LRRC7: variants seen among roughly 807,000 people sequenced by gnomAD.
The protein encoded by LRRC7 is leucine-rich repeat-containing protein 7.
In LRRC7, 23 loss-of-function variants were observed where a neutral mutation model predicts 175.7. The ratio of observed to expected loss-of-function variants is 0.13; its 90% CI spans 0.09 to 0.19. LRRC7 has a LOEUF of 0.19. Ranked by LOEUF, LRRC7 falls within the 10% of genes least tolerant of loss-of-function variation. LRRC7 has a pLI of 1.00. For missense variants in LRRC7, 1,354 were observed against 1,904.7 expected, an observed-to-expected ratio of 0.71 and a Z score of 5.38; for synonymous variants, 685 against 680.9, an observed-to-expected ratio of 1.01 and a Z score of -0.09.
chr1:69,783,299 G>A (rs1673985874), intron 3 of LRRC7, among the ~76,000 whole-genome samples: 3 of 152,064 alleles, frequency 2.0e-5, no homozygotes, highest in South Asian at 4.1e-4. Context: ...AGCACAAATC[G>A]AAGTCATAGA....
At chr1:69,692,375 G>A (rs1191516893) in intron 2 of LRRC7, among the ~76,000 whole-genome samples, 1 of 152,194 alleles carries the variant, frequency 6.6e-6, no homozygotes, top group Non-Finnish European at 1.5e-5. Flanking sequence ...ATGAGTGCAT[G>A]ATAAGCACCT....
chr1:69,598,125 G>A (rs1488720490), intron 1 of LRRC7, among the ~76,000 whole-genome samples: 1 of 152,082 alleles, frequency 6.6e-6, no homozygotes. Flanking sequence ...TGGTAAGATG[G>A]GTTTAGTCAC....
In LRRC7 at chr1:70,127,830, C is replaced by T. The variant is rs1169305891; in HGVS notation, c.*5943C>T. ...ACATTCCATGACTCTTATTAGTCTA[C>T]GGTTGGAACCACTATGTAGTCCTAC... On this transcript the variant is annotated 3_prime_UTR_variant, in exon 27 of 27. Coordinates refer to ENST00000651989, the MANE Select transcript of LRRC7 (RefSeq NM_001370785.2). Among the ~76,000 whole-genome samples, 5 of 152,182 alleles carry T rather than the reference C, an allele frequency of 3.3e-5. No homozygotes were observed. Among genetic ancestry groups the T allele is most frequent in the African/African-American group, 9.7e-5 (4 of 41,446 alleles).
At chr1:69,581,717 A>G (rs746598402) in intron 1 of LRRC7, among the ~76,000 whole-genome samples, 11 of 152,224 alleles carry the variant, frequency 7.2e-5, no homozygotes, top group Non-Finnish European at 1.5e-4. Flanking sequence ...GTTTTTAAAT[A>G]TATGAAAATT....
Position 70,013,050 on chromosome 1 carries a change from A to G in LRRC7, c.1211A>G (p.Gln404Arg). The G allele has an allele frequency of 6.3e-7, 1 of 1,586,584 alleles. No homozygotes were observed. Among genetic ancestry groups the G allele is most frequent in the Non-Finnish European group, 8.6e-7 (1 of 1,165,104 alleles). The change falls in exon 13 of 27, where the codon CAG becomes CGG. Residue 404 changes from glutamine (Q) to arginine (R), a missense_variant. By Grantham distance (43) the Gln-to-Arg change is conservative. Around this residue, in one of 4 missense-constraint regions of LRRC7, gnomAD observed 201 missense variants for 481.4 expected, o/e 0.42. Transcript: ENST00000651989. ...GAATTTCTTCCTGAAGAGATTGGAC[A>G]GATGCAGAAACTAAGAGTCCTAAAT... ...KLEFLPEEIG[Q>R]MQKLRVLNLS...
intron 1 of LRRC7, among the ~76,000 whole-genome samples, chr1:69,596,979 A>G (rs1382205928): frequency 6.6e-6 from 1 of 152,230 alleles, no homozygotes; most frequent in Admixed American, 6.5e-5. Context: ...GCAGAGAATG[A>G]TTAACTTCAG....
intron 7 of LRRC7, among the ~76,000 whole-genome samples, chr1:69,855,599 T>G (rs1683509912): frequency 6.6e-6 from 1 of 152,222 alleles, no homozygotes; most frequent in East Asian, 1.9e-4. Context: ...GAATGTATAT[T>G]CTGTTGATTT....
At chr1:69,946,587 G>A (rs183867780) in intron 8 of LRRC7, among the ~76,000 whole-genome samples, 4 of 151,616 alleles carry the variant, frequency 2.6e-5, no homozygotes, top group African/African-American at 4.8e-5. Context: ...TTCTGATATC[G>A]GGTTTGCATA....
chr1:69,985,531 G>A (rs1235493072), intron 9 of LRRC7, among the ~76,000 whole-genome samples: 2 of 152,110 alleles, frequency 1.3e-5, no homozygotes, highest in African/African-American at 4.8e-5. Flanking sequence ...CAGTTCCGTG[G>A]TTTTTGGACT....
chr1:69,980,573 G>T, intron 9 of LRRC7, 120 bp downstream of exon 9: 1 of 762,904 alleles, frequency 1.3e-6, no homozygotes, highest in Non-Finnish European at 2.1e-6. Flanking sequence ...ATACTCATTA[G>T]GAGTGTTCAG....
intron 2 of LRRC7, among the ~76,000 whole-genome samples, chr1:69,706,852 T>A (rs1664099650): frequency 6.6e-6 from 1 of 152,220 alleles, no homozygotes; most frequent in Non-Finnish European, 1.5e-5. Context: ...GTCATAGAGA[T>A]GTTTTTATTC....
At chr1:69,983,430 T>G (rs1653633665) in intron 9 of LRRC7, among the ~76,000 whole-genome samples, 1 of 152,220 alleles carries the variant, frequency 6.6e-6, no homozygotes, top group Admixed American at 6.5e-5. Context: ...GAGTGTTACT[T>G]GTAGTAGATG....
At chr1:69,638,063 G>C (rs1309275850) in intron 1 of LRRC7, among the ~76,000 whole-genome samples, 1 of 151,800 alleles carries the variant, frequency 6.6e-6, no homozygotes, top group Non-Finnish European at 1.5e-5. Context: ...TTTTGGGTTA[G>C]TTTACAGAAT....
At chr1:70,030,757 A>C (rs1300675908) in intron 18 of LRRC7, among the ~76,000 whole-genome samples, 1 of 152,226 alleles carries the variant, frequency 6.6e-6, no homozygotes, top group Non-Finnish European at 1.5e-5. Context: ...TGGAAAACGG[A>C]AAAAATAAAT....
chr1:70,066,102 G>T (rs1298360318), intron 23 of LRRC7, among the ~76,000 whole-genome samples: 2 of 151,900 alleles, frequency 1.3e-5, no homozygotes, highest in African/African-American at 2.4e-5. Context: ...TTTTCCAGTG[G>T]TTATTTATTG....
chr1:70,059,199 C>T (rs376879747), intron 23 of LRRC7, among the ~76,000 whole-genome samples: 1 of 152,288 alleles, frequency 6.6e-6, no homozygotes, highest in East Asian at 1.9e-4. Flanking sequence ...TGTCTGTTCC[C>T]TCCCTGAGTG....
chr1:69,788,879 G>A (rs1674795967), intron 3 of LRRC7, among the ~76,000 whole-genome samples: 1 of 152,082 alleles, frequency 6.6e-6, no homozygotes, highest in Admixed American at 6.6e-5. Flanking sequence ...ATTAATGCCT[G>A]AACATGAAAA....
At chr1:69,619,789 T>C (rs977271300) in intron 1 of LRRC7, among the ~76,000 whole-genome samples, 2 of 152,210 alleles carry the variant, frequency 1.3e-5, no homozygotes, top group Admixed American at 6.5e-5. Context: ...GGTGGTGAGA[T>C]TGATACTGTA....
intron 1 of LRRC7, among the ~76,000 whole-genome samples, chr1:69,651,716 A>C (rs1484862654): frequency 2.6e-5 from 4 of 152,148 alleles, no homozygotes; most frequent in Admixed American, 2.6e-4. Context: ...CTTTACCTGC[A>C]TCAGCCCATT....
Sources: allele counts gnomAD v4.1 joint callset (sites outside exome capture counted in the v4.1 genomes callset), GRCh38; gene constraint gnomAD v4.1.1; regional missense constraint gnomAD v4.1.1; transcripts MANE v1.5; gene names NCBI Gene and HGNC (gene_info 2026-07-23, HGNC 2026-07-21).